C12orf42: variants seen among roughly 807,000 people sequenced by gnomAD.
The protein encoded by C12orf42 is chromosome 12 open reading frame 42.
A neutral mutation model predicts 21.6 loss-of-function variants in C12orf42; 25 were observed. The ratio of observed to expected loss-of-function variants is 1.16; its 90% CI spans 0.84 to 1.62. The LOEUF (loss-of-function observed/expected upper bound fraction) is 1.62, where lower values mean the gene tolerates loss of function less well. C12orf42 is among the 40% of genes most tolerant of loss of function. C12orf42 has a pLI of 0.00. For missense variants in C12orf42, 483 were observed against 459.3 expected (o/e 1.05, Z -0.47); for synonymous variants, 174 against 175.0 (o/e 0.99, Z 0.05).
chr12:103,141,551 C>T, the C12orf42 span, among the ~76,000 whole-genome samples: 2 of 128,472 alleles, frequency 1.6e-5, no homozygotes, highest in Non-Finnish European at 3.2e-5. Context: ...TTTTTTGAGA[C>T]AGAGTTTTGC....
intron 2 of C12orf42, among the ~76,000 whole-genome samples, chr12:103,476,637 C>G (rs1460518494): frequency 6.6e-6 from 1 of 152,168 alleles, no homozygotes; most frequent in African/African-American, 2.4e-5. Context: ...AAGGGGGATA[C>G]TTTTCTTGGG....
intron 10 of C12orf42, among the ~76,000 whole-genome samples, chr12:103,247,664 C>T (rs2034073586): frequency 6.6e-6 from 1 of 151,972 alleles, no homozygotes; most frequent in African/African-American, 2.4e-5. Context: ...ATTCACTTTA[C>T]TCATTGCCTT....
chr12:103,363,140 A>G (rs2044263812), intron 4 of C12orf42, among the ~76,000 whole-genome samples: 1 of 152,162 alleles, frequency 6.6e-6, no homozygotes, highest in Non-Finnish European at 1.5e-5. Context: ...TCAGATTAAC[A>G]GCGGATTTCT....
chr12:103,250,264 G>A (rs183086128), intron 10 of C12orf42, among the ~76,000 whole-genome samples: 114 of 152,048 alleles, frequency 7.5e-4, no homozygotes, highest in African/African-American at 2.7e-3. Flanking sequence ...ATTATATCAC[G>A]AGACCCTGGC....
chr12:103,160,666 C>T, the C12orf42 span, among the ~76,000 whole-genome samples: 3 of 152,192 alleles, frequency 2.0e-5, no homozygotes, highest in African/African-American at 7.2e-5. Context: ...ACCCCAATCC[C>T]TTATTGAATC....
At chr12:103,107,162 G>T in the C12orf42 span, among the ~76,000 whole-genome samples, 1 of 151,882 alleles carries the variant, frequency 6.6e-6, no homozygotes, top group Non-Finnish European at 1.5e-5. Context: ...TAACAAACAC[G>T]GTTTGCAGTT....
chr12:103,512,417 T>C, the C12orf42 span, among the ~76,000 whole-genome samples: 1 of 149,132 alleles, frequency 6.7e-6, no homozygotes, highest in Admixed American at 6.6e-5. Flanking sequence ...AGGATGACTA[T>C]TGTTAGTTAC....
At chr12:103,143,134 G>A in the C12orf42 span, among the ~76,000 whole-genome samples, 1 of 152,138 alleles carries the variant, frequency 6.6e-6, no homozygotes, top group African/African-American at 2.4e-5. Flanking sequence ...GGAAAAAATG[G>A]GAAAGTACTT....
At chr12:103,387,904 C>T (rs1449748757) in intron 3 of C12orf42, among the ~76,000 whole-genome samples, 2 of 152,290 alleles carry the variant, frequency 1.3e-5, no homozygotes, top group Admixed American at 1.3e-4. Flanking sequence ...TTTCCTCTCT[C>T]TTTTTTTCTT....
chr12:103,150,942 G>A, the C12orf42 span, among the ~76,000 whole-genome samples: 1 of 152,110 alleles, frequency 6.6e-6, no homozygotes. Context: ...TCGGAAGGGA[G>A]TGTATCTGTT....
At chr12:103,347,006 G>C (rs1018672500) in intron 4 of C12orf42, among the ~76,000 whole-genome samples, 2 of 152,148 alleles carry the variant, frequency 1.3e-5, no homozygotes, top group Admixed American at 1.3e-4. Context: ...GCCCTTCACA[G>C]AGCTGACATC....
At chr12:103,310,301 CT>C (rs2038847979) in intron 4 of C12orf42, among the ~76,000 whole-genome samples, 1 of 152,112 alleles carries the variant, frequency 6.6e-6, no homozygotes, top group East Asian at 1.9e-4. Flanking sequence ...CTTGCTCCTA[CT>C]TTTGCCATGG....
At chr12:103,086,057 C>T in the C12orf42 span, among the ~76,000 whole-genome samples, 1,490 of 152,202 alleles carry the variant, frequency 9.8e-3, 26 homozygotes, top group African/African-American at 0.034. Context: ...TTTTTGGACA[C>T]CTCACTCCTT....
chr12:103,152,624 C>T, the C12orf42 span, among the ~76,000 whole-genome samples: 1 of 152,046 alleles, frequency 6.6e-6, no homozygotes, highest in Admixed American at 6.5e-5. Flanking sequence ...TAAGAATTGA[C>T]AATAAATATA....
At chr12:103,265,070 T>C (rs2035095992), downstream of C12orf42, among the ~76,000 whole-genome samples, 1 of 152,082 alleles carries the variant, frequency 6.6e-6, no homozygotes, top group African/African-American at 2.4e-5. Context: ...CTCTTCTAGG[T>C]TGCAGACTGC....
the C12orf42 span, among the ~76,000 whole-genome samples, chr12:103,062,684 C>T: frequency 0.015 from 2,316 of 152,210 alleles, 22 homozygotes; most frequent in Non-Finnish European, 0.021. Flanking sequence ...TTGAATTTTG[C>T]TTTCAGCAAT....
chr12:103,200,475 T>A, the C12orf42 span, among the ~76,000 whole-genome samples: 1 of 152,220 alleles, frequency 6.6e-6, no homozygotes, highest in Non-Finnish European at 1.5e-5. Flanking sequence ...TATATTATAT[T>A]GTGTTCTAAT....
chr12:103,491,609 C>A (rs560684707), intron 1 of C12orf42, among the ~76,000 whole-genome samples: 1 of 152,198 alleles, frequency 6.6e-6, no homozygotes, highest in African/African-American at 2.4e-5. Flanking sequence ...GCCTTGAGCT[C>A]CTTGTTTCTA....
chr12:103,442,717 C>T (rs1254704108), intron 2 of C12orf42, among the ~76,000 whole-genome samples: 2 of 152,128 alleles, frequency 1.3e-5, no homozygotes, highest in East Asian at 1.9e-4. Flanking sequence ...ATACATTAAG[C>T]GCTTTCTATG....
Sources: allele counts gnomAD v4.1 joint callset (sites outside exome capture counted in the v4.1 genomes callset), GRCh38; gene constraint gnomAD v4.1.1; transcripts MANE v1.5; gene names NCBI Gene and HGNC (gene_info 2026-07-23, HGNC 2026-07-21).